The following PUM1 variants were observed in gnomAD, a reference collection of about 807,000 sequenced individuals.
The protein encoded by PUM1 is pumilio RNA binding family member 1, also known as pumilio homolog 1.
A neutral mutation model predicts 131.8 loss-of-function variants in PUM1; 13 were observed. The ratio of observed to expected loss-of-function variants is 0.10; its 90% CI spans 0.06 to 0.16. The LOEUF is 0.16. Among genes scored for constraint, PUM1 ranks in the 10% least tolerant of loss-of-function variants. The pLI, the probability that PUM1 is intolerant of heterozygous loss-of-function variation, is 1.00. For synonymous variants in PUM1, 509 were observed against 556.5 expected (o/e 0.91, Z 1.20); for missense variants, 961 against 1,512.4 (o/e 0.64, Z 6.05).
In PUM1 at chr1:30,953,968, A is replaced by G. The variant is rs2275741; in HGVS notation, c.2337T>C (p.Asn779=). ...CAGCAGAGATGTATCTTCCACTGCCATTCGTGAGTCCTCCTGTTGGTTACA... is the reference window on the plus strand; with the variant it reads ...CAGCAGAGATGTATCTTCCACTGCCGTTCGTGAGTCCTCCTGTTGGTTACA... ...SSSLNLGGLT[N]GSGRYISAAP... Residue 779 remains asparagine, a synonymous_variant, in exon 15 of 22, where the codon AAT becomes AAC. Coordinates refer to ENST00000426105, the MANE Select transcript of PUM1 (RefSeq NM_001020658.2). 667,202 of 1,613,372 alleles carry G rather than the reference A, an allele frequency of 0.41. 139,906 individuals carry two copies. The highest frequency in any genetic ancestry group is 0.49 in the Admixed American group (29,272 of 59,986).
At chr1:31,047,090 C>G (rs1643986124) in intron 2 of PUM1, among the ~76,000 whole-genome samples, 1 of 152,094 alleles carries the variant, frequency 6.6e-6, no homozygotes, top group Non-Finnish European at 1.5e-5. Context: ...ACTCAGGAGG[C>G]TGTGGCAGGA....
At chr1:31,008,859 C>T (rs1224688580) in intron 3 of PUM1, among the ~76,000 whole-genome samples, 1 of 151,918 alleles carries the variant, frequency 6.6e-6, no homozygotes, top group Non-Finnish European at 1.5e-5. Flanking sequence ...TATTTTTCTC[C>T]TTTTAGTCTC....
At chr1:31,004,578 T>G (rs1200198763) in intron 5 of PUM1, among the ~76,000 whole-genome samples, 1 of 152,170 alleles carries the variant, frequency 6.6e-6, no homozygotes, top group Non-Finnish European at 1.5e-5. Context: ...AGGAGCCATC[T>G]CCTATCTGAT....
At chr1:31,003,757 CAAT>C (rs1642301744) in intron 5 of PUM1, among the ~76,000 whole-genome samples, 2 of 152,010 alleles carry the variant, frequency 1.3e-5, no homozygotes, top group South Asian at 2.1e-4. Context: ...AACTCCACCT[CAAT>C]AATAATAACA....
rs57685772 is a variant in PUM1 at position 31,056,609 on chromosome 1, C to CTTTTTTTTTTTTTTTTT, written c.363+2578_363+2594dup. Among the ~76,000 whole-genome samples the CTTTTTTTTTTTTTTTTT allele has an allele frequency of 2.3e-4, 10 of 43,688 alleles. 2 individuals carry two copies. Among genetic ancestry groups the CTTTTTTTTTTTTTTTTT allele is most frequent in the Non-Finnish European group, 2.8e-4 (7 of 24,874 alleles). The allele number at this position is 43,688 out of a possible 152,430, so 28.7% of individuals were successfully genotyped here. Reference sequence around the variant, plus strand: ...CAGCTGAAAACCTTCCTTTTCTTTTCTTTTTTTTTTTTTTTTTTTTTTTTT... The same window carrying CTTTTTTTTTTTTTTTTT: ...CAGCTGAAAACCTTCCTTTTCTTTTCTTTTTTTTTTTTTTTTTTTTTTTTTTTTTTTTTTTTTTTTTT... On this transcript the variant is annotated intron_variant, in intron 2 of 21. Coordinates refer to ENST00000426105, the MANE Select transcript of PUM1 (RefSeq NM_001020658.2).
intron 16 of PUM1, among the ~76,000 whole-genome samples, chr1:30,950,885 C>T (rs1639906216): frequency 6.6e-6 from 1 of 152,214 alleles, no homozygotes; most frequent in African/African-American, 2.4e-5. Flanking sequence ...TACACTCTTA[C>T]TGCCAAAGCA....
chr1:31,004,313 T>C (rs978569250), intron 5 of PUM1, among the ~76,000 whole-genome samples: 3 of 152,240 alleles, frequency 2.0e-5, no homozygotes, highest in African/African-American at 7.2e-5. Flanking sequence ...TCCTGGTTAG[T>C]GCCCAAGAAT....
At chr1:30,993,750 T>C (rs574591574) in intron 6 of PUM1, among the ~76,000 whole-genome samples, 1 of 152,284 alleles carries the variant, frequency 6.6e-6, no homozygotes, top group East Asian at 1.9e-4. Flanking sequence ...AAGTATTTAT[T>C]ACCCTGTGCC....
At chr1:31,051,453 G>A (rs1022289464) in intron 2 of PUM1, among the ~76,000 whole-genome samples, 4 of 152,090 alleles carry the variant, frequency 2.6e-5, no homozygotes, top group South Asian at 2.1e-4. Context: ...ACAGGCGTGC[G>A]CCACCACGCC....
At chr1:30,957,087 TACACACAC>T (rs58044891) in intron 14 of PUM1, among the ~76,000 whole-genome samples, 64 of 139,968 alleles carry the variant, frequency 4.6e-4, no homozygotes, top group East Asian at 2.6e-3. Flanking sequence ...AGGACATTCA[TACACACAC>T]ACACACACAC....
In PUM1 at chr1:30,965,990, C is replaced by T; in HGVS notation, c.2078G>A (p.Gly693Glu). 6.2e-7 allele frequency: 1 copy of T among 1,612,658 alleles called. No homozygotes were observed. The change falls in exon 13 of 22, where the codon GGA (glycine) becomes GAA (glutamate). Residue 693 changes from glycine to glutamate, a missense_variant. By Grantham distance (98) the Gly-to-Glu change is moderately conservative. Around this residue, in one of 4 missense-constraint regions of PUM1, gnomAD observed 654 missense variants for 923.9 expected, o/e 0.71. Transcript: ENST00000426105. The part of the protein sequence containing the change: ...ATLGSALGGF[G>E]TAVANSNTGS... The stretch of plus-strand genomic sequence containing the variant: ...ATCAGTCTAATTTCTACCTGCTGTT[C>T]CAAACCCTCCAAGGGCGGATCCCAG...
chr1:30,998,428 A>G (rs912194907), intron 5 of PUM1, among the ~76,000 whole-genome samples: 5 of 152,162 alleles, frequency 3.3e-5, no homozygotes, highest in Non-Finnish European at 5.9e-5. Context: ...GTTGAGGCCT[A>G]GAGTTCAAGA....
At chr1:31,006,901 G>A (rs1037681365) in intron 4 of PUM1, 93 bp downstream of exon 4, 22 of 905,324 alleles carry the variant, frequency 2.4e-5, no homozygotes, top group Non-Finnish European at 3.9e-5. Context: ...ACATGCTTAT[G>A]TCACTGATGT....
intron 20 of PUM1, among the ~76,000 whole-genome samples, chr1:30,937,227 G>A (rs1639249050): frequency 6.6e-6 from 1 of 152,052 alleles, no homozygotes; most frequent in African/African-American, 2.4e-5. Context: ...TAAGCACAAG[G>A]TTCAGGACAC....
intron 5 of PUM1, 52 bp from the exon 6 acceptor site, chr1:30,995,272 G>C: frequency 6.3e-7 from 1 of 1,598,368 alleles, no homozygotes; most frequent in Non-Finnish European, 8.6e-7. Context: ...TAATAATAAC[G>C]GGCAACCGTT....
At chr1:31,058,605 T>C (rs1195810981) in intron 2 of PUM1, among the ~76,000 whole-genome samples, 1 of 146,186 alleles carries the variant, frequency 6.8e-6, no homozygotes, top group Non-Finnish European at 1.5e-5. Context: ...GAGCTTGCAG[T>C]GAGCAGAGAT....
chr1:30,998,716 G>A (rs1054867402), intron 5 of PUM1, among the ~76,000 whole-genome samples: 2 of 152,188 alleles, frequency 1.3e-5, no homozygotes, highest in Non-Finnish European at 2.9e-5. Context: ...CTCTCCTGAA[G>A]TTTGAGATTC....
intron 2 of PUM1, among the ~76,000 whole-genome samples, chr1:31,056,632 T>C (rs1446908191): frequency 1.7e-5 from 2 of 117,604 alleles, no homozygotes; most frequent in Admixed American, 9.7e-5. Flanking sequence ...TTTTTTTTTT[T>C]TTTTTTTTTT....
At chr1:31,030,417 G>A (rs1294518843) in intron 2 of PUM1, among the ~76,000 whole-genome samples, 1 of 151,966 alleles carries the variant, frequency 6.6e-6, no homozygotes, top group African/African-American at 2.4e-5. Flanking sequence ...GAGAACATGA[G>A]CCAGAATACA....
Sources: gnomAD v4.1 joint callset for allele counts (sites outside exome capture counted in the v4.1 genomes callset) on GRCh38, gnomAD v4.1.1 for gene constraint, gnomAD v4.1.1 regional missense constraint, MANE v1.5 for transcripts, NCBI Gene and HGNC (gene_info 2026-07-23, HGNC 2026-07-21) for gene names.